The following NFAM1 variants were observed in gnomAD, a reference collection of about 807,000 sequenced individuals.
The protein encoded by NFAM1 is NFAT activating protein with ITAM motif 1.
NFAM1 carries 17 observed loss-of-function variants against 29.0 expected under a neutral mutation model. The ratio of observed to expected loss-of-function variants is 0.59; its 90% CI spans 0.40 to 0.88. The LOEUF is 0.88. Among genes scored for constraint, NFAM1 ranks in the 40% least tolerant of loss-of-function variants. The pLI, the probability that NFAM1 is intolerant of heterozygous loss-of-function variation, is 0.00. For synonymous variants in NFAM1, 175 were observed against 147.2 expected, an observed-to-expected ratio of 1.19 and a Z score of -1.36; for missense variants, 324 against 344.6, an observed-to-expected ratio of 0.94 and a Z score of 0.47.
chr22:42,431,775 T>TCCC (rs34684252), intron 1 of NFAM1, among the ~76,000 whole-genome samples: 8 of 146,684 alleles, frequency 5.5e-5, no homozygotes, highest in African/African-American at 1.3e-4. Context: ...GGCCCTGGTA[T>TCCC]CCCCCCCTCC....
rs149089618 is a variant in NFAM1 at position 42,417,225 on chromosome 22, C to G, written c.122-5489G>C. 2.5e-4 allele frequency among the ~76,000 whole-genome samples: 38 copies of G among 152,338 alleles called. No individual in the cohort carries two copies. In the East Asian group the frequency reaches 6.6e-3, roughly 26 times the overall value. Reference sequence around the variant, plus strand: ...TCAGCTTTAGAGTTTGAAGTTTTGTCTGTTACACAGGGTTAGAGATGTGAA... The same window carrying G: ...TCAGCTTTAGAGTTTGAAGTTTTGTGTGTTACACAGGGTTAGAGATGTGAA... On this transcript the variant is annotated intron_variant, in intron 1 of 5. Coordinates refer to ENST00000329021, the MANE Select transcript of NFAM1 (RefSeq NM_145912.8).
intron 1 of NFAM1, among the ~76,000 whole-genome samples, chr22:42,429,813 G>A (rs559822277): frequency 1.3e-5 from 2 of 152,336 alleles, no homozygotes; most frequent in African/African-American, 4.8e-5. Flanking sequence ...GCACCAGGCT[G>A]ATGGTTAAGG....
rs1929093644 is a variant in NFAM1 at position 42,385,180 on chromosome 22, A to G, written c.794T>C (p.Leu265Pro). ...CCCATCCTAGAGATTTTCATAGACC[A>G]GGTTAAGTTCGCCATCATCTTCGAA... ...HRFEDDGELN[L>P]VYENL The change falls in exon 6 of 6, where the codon CTG becomes CCG. Residue 265 changes from leucine to proline, a missense_variant. Leu to Pro is a moderately conservative substitution (Grantham distance 98). Transcript: ENST00000329021. 1 of 1,613,568 alleles carries G rather than the reference A, an allele frequency of 6.2e-7. No homozygotes were observed. The highest frequency in any genetic ancestry group is 2.2e-5 in the East Asian group (1 of 44,886).
intron 3 of NFAM1, among the ~76,000 whole-genome samples, chr22:42,408,537 T>C (rs1929974577): frequency 6.6e-6 from 1 of 152,170 alleles, no homozygotes; most frequent in Admixed American, 6.5e-5. Flanking sequence ...CCCATCAGCT[T>C]TGCACCCCTG....
intron 3 of NFAM1, among the ~76,000 whole-genome samples, chr22:42,407,469 A>G (rs1286404640): frequency 6.6e-6 from 1 of 151,958 alleles, no homozygotes; most frequent in African/African-American, 2.4e-5. Context: ...CCCGGGTTCA[A>G]GCAATTCTCC....
Position 42,384,602 on chromosome 22 carries a change from TC to T in NFAM1, c.*558del. The T allele has an allele frequency of 5.9e-6, 1 of 168,266 alleles. No homozygotes were observed. The highest frequency in any genetic ancestry group is 1.5e-4 in the South Asian group (1 of 6,880). 10.4% of individuals were successfully genotyped at this position (168,266 alleles called of 1,614,324 possible). On this transcript the variant is annotated 3_prime_UTR_variant, in exon 6 of 6. Transcript: ENST00000329021. ...CTGAGGGGTCCATCATCCTTGTCTG[TC>T]CCCCAGACCTCCCACGCCAGCCCCT... is the stretch of plus-strand genomic sequence containing the variant.
At chr22:42,426,228 G>C (rs1395736305) in intron 1 of NFAM1, among the ~76,000 whole-genome samples, 2 of 152,182 alleles carry the variant, frequency 1.3e-5, no homozygotes, top group African/African-American at 4.8e-5. Context: ...ACCAGGGTTA[G>C]GGGCCTGCTG....
chr22:42,437,708 C>T, the NFAM1 span, among the ~76,000 whole-genome samples: 4 of 152,194 alleles, frequency 2.6e-5, no homozygotes, highest in African/African-American at 9.7e-5. Context: ...CTCTCCGTGA[C>T]CCTTCTTCCC....
At chr22:42,431,054 A>G (rs1930780855) in intron 1 of NFAM1, among the ~76,000 whole-genome samples, 1 of 152,154 alleles carries the variant, frequency 6.6e-6, no homozygotes, top group Non-Finnish European at 1.5e-5. Context: ...CCCCAGGGTA[A>G]GTTTCCGGTG....
At chr22:42,396,740 T>C (rs1929537947) in intron 4 of NFAM1, among the ~76,000 whole-genome samples, 1 of 152,210 alleles carries the variant, frequency 6.6e-6, no homozygotes, top group African/African-American at 2.4e-5. Flanking sequence ...CACTTGGAAC[T>C]GTTGGCACTG....
upstream of NFAM1, chr22:42,432,410 G>T: frequency 1.3e-6 from 2 of 1,483,142 alleles, no homozygotes; most frequent in Non-Finnish European, 1.8e-6. Flanking sequence ...GGGGACGGCC[G>T]GCGCTGACAG....
chr22:42,390,849 G>A (rs928241931), intron 4 of NFAM1, among the ~76,000 whole-genome samples: 2 of 150,462 alleles, frequency 1.3e-5, no homozygotes, highest in Admixed American at 6.6e-5. Context: ...GGGAGCAGCC[G>A]TGGCCAGTGT....
chr22:42,406,275 C>A (rs1929895598), intron 3 of NFAM1, among the ~76,000 whole-genome samples: 1 of 152,216 alleles, frequency 6.6e-6, no homozygotes, highest in Non-Finnish European at 1.5e-5. Context: ...TTCCCTGAGG[C>A]CACCCTGATC....
chr22:42,421,699 T>C (rs1028796474), intron 1 of NFAM1, among the ~76,000 whole-genome samples: 3 of 152,174 alleles, frequency 2.0e-5, no homozygotes, highest in South Asian at 2.1e-4. Flanking sequence ...ACAACGCTGA[T>C]CAAAGGTATC....
intron 1 of NFAM1, among the ~76,000 whole-genome samples, chr22:42,420,775 A>G (rs1930420760): frequency 6.6e-6 from 1 of 152,204 alleles, no homozygotes; most frequent in Admixed American, 6.5e-5. Flanking sequence ...GTCACAAACA[A>G]ACAAACAAAC....
rs117417957 is a variant in NFAM1, at chr22:42,380,971, G to A, written c.*4190C>T. 4 of 152,482 alleles carry A rather than the reference G, an allele frequency of 2.6e-5. No individual in the cohort carries two copies. The highest frequency in any genetic ancestry group is 1.9e-4 in the East Asian group (1 of 5,190). The allele number at this position is 152,482 out of a possible 1,614,324, so 9.4% of individuals were successfully genotyped here. ...GAACCCCAGCCACACCGGGTTCAGC[G>A]CAGAACCAGCACATGTTCCCATGGA... is the stretch of plus-strand genomic sequence containing the variant. On this transcript the variant is annotated 3_prime_UTR_variant, in exon 6 of 6. Coordinates refer to ENST00000329021, the MANE Select transcript of NFAM1 (RefSeq NM_145912.8).
chr22:42,410,963 G>A (rs957733854), intron 2 of NFAM1, among the ~76,000 whole-genome samples: 1 of 151,570 alleles, frequency 6.6e-6, no homozygotes, highest in African/African-American at 2.4e-5. Context: ...AAGTGGGTCT[G>A]CCTGCTTTGC....
At position 42,398,393 on chromosome 22, in the gene NFAM1, T is replaced by C. The variant is rs892988222; in HGVS notation, c.565-437A>G. On this transcript the variant is annotated intron_variant, in intron 3 of 5. Transcript: ENST00000329021. ...GGGCCTTGGTTTTATTTATTATTAT[T>C]ATTATTATTATTATTATTATTATTA... is the stretch of plus-strand genomic sequence containing the variant. Among the ~76,000 whole-genome samples, 225 of 112,528 alleles carry C rather than the reference T, an allele frequency of 2.0e-3. 1 individual carries two copies. The highest frequency in any genetic ancestry group is 6.3e-3 in the African/African-American group (218 of 34,484). The allele number at this position is 112,528 out of a possible 152,430, so 73.8% of individuals were successfully genotyped here.
intron 3 of NFAM1, among the ~76,000 whole-genome samples, chr22:42,398,657 AC>A (rs1439140492): frequency 2.6e-5 from 4 of 152,038 alleles, no homozygotes; most frequent in African/African-American, 9.7e-5. Flanking sequence ...CAGGTGATCC[AC>A]CGCCTTGGCG....
Sources: allele counts gnomAD v4.1 joint callset (sites outside exome capture counted in the v4.1 genomes callset), GRCh38; gene constraint gnomAD v4.1.1; transcripts MANE v1.5; gene names NCBI Gene and HGNC (gene_info 2026-07-23, HGNC 2026-07-21).